The following NEK11 variants were observed in gnomAD, a reference collection of about 807,000 sequenced individuals.
NEK11 encodes serine/threonine-protein kinase Nek11.
Under a neutral mutation model 80.7 loss-of-function variants are expected in NEK11, and 72 were observed. That is an observed-to-expected ratio of 0.89 (90% CI 0.74 to 1.08). NEK11 has a LOEUF of 1.08. Among genes scored for constraint, NEK11 ranks in the 50% least tolerant of loss-of-function variants. The probability of loss-of-function intolerance (pLI) is 0.00; values close to 1 mark genes in which losing one functional copy is unlikely to be tolerated. For synonymous variants in NEK11, 251 were observed against 260.7 expected (o/e 0.96, Z 0.36); for missense variants, 764 against 763.6 (o/e 1.00, Z -0.01).
chr3:131,223,222 A>C (rs765564328), intron 14 of NEK11, among the ~76,000 whole-genome samples: 3 of 152,208 alleles, frequency 2.0e-5, no homozygotes, highest in Admixed American at 1.3e-4. Context: ...TGACAAACAC[A>C]GTTTGAACGG....
At chr3:131,229,714 T>G (rs1223356421) in intron 15 of NEK11, among the ~76,000 whole-genome samples, 1 of 151,892 alleles carries the variant, frequency 6.6e-6, no homozygotes, top group Non-Finnish European at 1.5e-5. Context: ...CTCTCCAATT[T>G]GATATTAAGA....
Position 131,228,550 on chromosome 3 carries a change from G to A in NEK11, c.1422G>A (p.Val474=), listed in dbSNP as rs1264854220. ...CAGAGATCCCAGAAGACCCACTTGT[G>A]GCTGAAGAGTACTACGCTGATGCAT... The part of the protein sequence containing the change: ...GYHEIPEDPL[V]AEEYYADAFD... The change falls in exon 15 of 18, where the codon GTG becomes GTA. Residue 474 remains valine, a synonymous_variant. Coordinates refer to ENST00000383366, the MANE Select transcript of NEK11 (RefSeq NM_024800.5). 6.2e-7 allele frequency: 1 copy of A among 1,609,724 alleles called. No homozygotes were observed. Among genetic ancestry groups the A allele is most frequent in the Non-Finnish European group, 8.5e-7 (1 of 1,177,842 alleles).
intron 3 of NEK11, among the ~76,000 whole-genome samples, chr3:131,068,160 C>A (rs1339919926): frequency 6.6e-6 from 1 of 152,192 alleles, no homozygotes; most frequent in African/African-American, 2.4e-5. Context: ...TGTCCCAAGC[C>A]TCTAGAGAAC....
intron 15 of NEK11, among the ~76,000 whole-genome samples, chr3:131,238,500 A>C (rs150396397): frequency 6.1e-4 from 93 of 152,328 alleles, no homozygotes; most frequent in African/African-American, 2.0e-3. Flanking sequence ...CAAACAAAGA[A>C]GTAAGAGCAA....
intron 17 of NEK11, among the ~76,000 whole-genome samples, chr3:131,331,958 C>T (rs993848066): frequency 4.6e-5 from 7 of 152,172 alleles, no homozygotes; most frequent in African/African-American, 1.2e-4. Context: ...ACAAAGCAGC[C>T]GGGAAGCTTG....
chr3:131,342,070 A>G (rs2097294975), intron 17 of NEK11, among the ~76,000 whole-genome samples: 3 of 152,154 alleles, frequency 2.0e-5, no homozygotes, highest in Admixed American at 2.0e-4. Flanking sequence ...TCCTGCCCAG[A>G]GTGAACTGAG....
At chr3:131,272,931 C>T (rs926189985) in intron 16 of NEK11, among the ~76,000 whole-genome samples, 14 of 152,212 alleles carry the variant, frequency 9.2e-5, no homozygotes, top group African/African-American at 3.1e-4. Flanking sequence ...TCATTACCAA[C>T]TCTTACCCTC....
chr3:131,152,426 A>G lies in NEK11; in HGVS notation c.686A>G (p.Asn229Ser), dbSNP rs1484228868. ...ATTTTGTATGAGATGTGCTGCATGA[A>G]TCATGCATTCGCTGGCTCCAATTTC... ...ACILYEMCCM[N>S]HAFAGSNFLS... Residue 229 changes from asparagine to serine, a missense_variant, in exon 8 of 18, where the codon AAT (asparagine) becomes AGT (serine). Coordinates refer to ENST00000383366, the MANE Select transcript of NEK11 (RefSeq NM_024800.5). The G allele has an allele frequency of 9.3e-6, 15 of 1,613,026 alleles. No homozygotes were observed. The highest frequency in any genetic ancestry group is 1.3e-5 in the African/African-American group (1 of 74,876).
intron 5 of NEK11, among the ~76,000 whole-genome samples, chr3:131,113,773 A>G (rs1429037108): frequency 6.6e-6 from 1 of 151,888 alleles, no homozygotes; most frequent in African/African-American, 2.4e-5. Context: ...TTAGCGAGGC[A>G]TGGCGGCAGG....
At chr3:131,141,091 C>T (rs1403377407) in intron 7 of NEK11, among the ~76,000 whole-genome samples, 1 of 152,104 alleles carries the variant, frequency 6.6e-6, no homozygotes, top group Non-Finnish European at 1.5e-5. Flanking sequence ...TCTCCTCCTA[C>T]CTCAGAAAGG....
chr3:131,133,797 A>G (rs2084999256), intron 6 of NEK11, 33 bp from the exon 7 acceptor site: 3 of 1,589,806 alleles, frequency 1.9e-6, no homozygotes, highest in Non-Finnish European at 2.6e-6. Context: ...TCGTTGGCTT[A>G]AAGTATTCAT....
intron 14 of NEK11, among the ~76,000 whole-genome samples, chr3:131,178,462 T>C (rs1195680198): frequency 6.6e-6 from 1 of 152,242 alleles, no homozygotes; most frequent in Non-Finnish European, 1.5e-5. Flanking sequence ...TCTATAAGCA[T>C]TTTCTATTTT....
At chr3:131,344,828 T>A (rs1582519220) in intron 17 of NEK11, among the ~76,000 whole-genome samples, 1 of 152,136 alleles carries the variant, frequency 6.6e-6, no homozygotes, top group Non-Finnish European at 1.5e-5. Context: ...GAGAATTCAT[T>A]CCCTATCACA....
chr3:131,137,647 A>G (rs2085881233), intron 7 of NEK11, among the ~76,000 whole-genome samples: 1 of 152,216 alleles, frequency 6.6e-6, no homozygotes, highest in South Asian at 2.1e-4. Flanking sequence ...GTATATTTGA[A>G]CATTAATATA....
At chr3:131,096,842 G>A (rs367987182) in intron 4 of NEK11, among the ~76,000 whole-genome samples, 6 of 149,738 alleles carry the variant, frequency 4.0e-5, no homozygotes, top group Admixed American at 2.0e-4. Flanking sequence ...CCATTAACTC[G>A]TCATTTAGCA....
chr3:131,130,808 A>G (rs1242706489), intron 5 of NEK11, among the ~76,000 whole-genome samples: 1 of 152,002 alleles, frequency 6.6e-6, no homozygotes, highest in African/African-American at 2.4e-5. Context: ...GGATATATAT[A>G]TGTATATTTT....
chr3:131,182,827 C>G (rs2093425372), intron 14 of NEK11, among the ~76,000 whole-genome samples: 2 of 152,184 alleles, frequency 1.3e-5, no homozygotes, highest in African/African-American at 4.8e-5. Context: ...TCTTTTGACT[C>G]TAGAAGAAAT....
chr3:131,224,022 T>C (rs1302280663), intron 14 of NEK11, among the ~76,000 whole-genome samples: 1 of 152,192 alleles, frequency 6.6e-6, no homozygotes, highest in African/African-American at 2.4e-5. Flanking sequence ...GCATGTACAA[T>C]GGTGGTCCAG....
chr3:131,146,673 A>C (rs1488631612), intron 7 of NEK11, among the ~76,000 whole-genome samples: 1 of 151,890 alleles, frequency 6.6e-6, no homozygotes, highest in African/African-American at 2.4e-5. Flanking sequence ...TCCTAAGGAA[A>C]CTTTTTTTTT....
Sources: allele counts gnomAD v4.1 joint callset (sites outside exome capture counted in the v4.1 genomes callset), GRCh38; gene constraint gnomAD v4.1.1; transcripts MANE v1.5; gene names NCBI Gene and HGNC (gene_info 2026-07-23, HGNC 2026-07-21).